NLGN1: variants seen among roughly 807,000 people sequenced by gnomAD.
The protein encoded by NLGN1 is neuroligin 1, also known as neuroligin-1.
A neutral mutation model predicts 65.5 loss-of-function variants in NLGN1; 12 were observed. The ratio of observed to expected loss-of-function variants is 0.18; its 90% CI spans 0.12 to 0.30. The LOEUF (loss-of-function observed/expected upper bound fraction) is 0.30. NLGN1 is among the 10% of genes least tolerant of loss of function. NLGN1 has a pLI of 1.00. For missense variants in NLGN1, 750 were observed against 1,007.1 expected, an observed-to-expected ratio of 0.74 and a Z score of 3.46; for synonymous variants, 350 against 359.5, an observed-to-expected ratio of 0.97 and a Z score of 0.30.
intron 2 of NLGN1, among the ~76,000 whole-genome samples, chr3:173,539,785 T>TACATATATACATATATATACATATATAC (rs1738424986): frequency 1.0e-5 from 1 of 100,304 alleles, no homozygotes; most frequent in Non-Finnish European, 2.0e-5. Flanking sequence ...CACATATATA[T>TACATATATACATATATATACATATATAC]GTACATATAT....
chr3:173,429,407 T>C (rs1716771996), intron 1 of NLGN1, among the ~76,000 whole-genome samples: 1 of 152,220 alleles, frequency 6.6e-6, no homozygotes, highest in South Asian at 2.1e-4. Context: ...CTGTGTTATC[T>C]TGGAGTTCAC....
At chr3:173,829,556 GTGTGTGTGTGTGTGTT>G in intron 4 of NLGN1, among the ~76,000 whole-genome samples, 1 of 144,656 alleles carries the variant, frequency 6.9e-6, no homozygotes, top group African/African-American at 2.7e-5. Flanking sequence ...GTGTGTGCGT[GTGTGTGTGTGTGTGTT>G]TGTGTGTGTG....
chr3:173,910,222 A>T (rs1336459475), intron 4 of NLGN1, among the ~76,000 whole-genome samples: 2 of 152,206 alleles, frequency 1.3e-5, no homozygotes, highest in African/African-American at 4.8e-5. Flanking sequence ...AAAAATGCAG[A>T]TTCTGCTTCA....
chr3:173,578,600 C>G (rs1745912930), intron 2 of NLGN1, among the ~76,000 whole-genome samples: 1 of 152,120 alleles, frequency 6.6e-6, no homozygotes, highest in African/African-American at 2.4e-5. Flanking sequence ...CTCAAATAAA[C>G]TAATATTTTA....
At chr3:174,061,029 A>G (rs1737294217) in intron 4 of NLGN1, among the ~76,000 whole-genome samples, 1 of 152,114 alleles carries the variant, frequency 6.6e-6, no homozygotes, top group Non-Finnish European at 1.5e-5. Context: ...TGATTTCTCC[A>G]TACGGTTATT....
intron 3 of NLGN1, among the ~76,000 whole-genome samples, chr3:173,790,545 T>C (rs1284503825): frequency 1.3e-5 from 2 of 152,136 alleles, no homozygotes; most frequent in Admixed American, 1.3e-4. Context: ...CTGATTTACG[T>C]TTAAAGAAAC....
rs917171566 is a variant in NLGN1 at position 173,892,311 on chromosome 3, T to C, written c.646+84479T>C. Among the ~76,000 whole-genome samples, 8 of 152,154 alleles carry C rather than the reference T, an allele frequency of 5.3e-5. No homozygotes were observed. The East Asian group carries it at 1.4e-3, about 26-fold the overall frequency. ...CCTCCAATAGATCCTGCCATCTCTG[T>C]TCTCTGTTTTTATTTTATGCAACTG... is the stretch of plus-strand genomic sequence containing the variant. On this transcript the variant is annotated intron_variant, in intron 4 of 6. Transcript: ENST00000457714.
chr3:173,415,372 A>G (rs948044446), intron 1 of NLGN1, among the ~76,000 whole-genome samples: 8 of 152,182 alleles, frequency 5.3e-5, no homozygotes, highest in Non-Finnish European at 8.8e-5. Context: ...TCTTTCTCTG[A>G]TCCTTATTTT....
At chr3:173,459,169 T>A (rs942680195) in intron 2 of NLGN1, among the ~76,000 whole-genome samples, 1 of 151,998 alleles carries the variant, frequency 6.6e-6, no homozygotes, top group Admixed American at 6.6e-5. Context: ...AGTAATCTGT[T>A]TTGTTGTTCA....
At chr3:173,659,809 T>C (rs13080121) in intron 3 of NLGN1, among the ~76,000 whole-genome samples, 77,414 of 151,616 alleles carry the variant, frequency 0.51, 21,156 homozygotes, top group East Asian at 0.71. Context: ...GTTTCTTCAC[T>C]GCTTTCATCA....
chr3:173,501,402 C>G (rs1311372389), intron 2 of NLGN1, among the ~76,000 whole-genome samples: 1 of 152,068 alleles, frequency 6.6e-6, no homozygotes, highest in African/African-American at 2.4e-5. Flanking sequence ...CTCAGACTTT[C>G]ACAGCATCCA....
intron 4 of NLGN1, among the ~76,000 whole-genome samples, chr3:173,897,902 A>C (rs1234836990): frequency 6.6e-6 from 1 of 152,180 alleles, no homozygotes. Flanking sequence ...CATTGCAAAC[A>C]ATCAGATTTG....
At chr3:174,190,524 C>A (rs1166086807) in intron 4 of NLGN1, among the ~76,000 whole-genome samples, 1 of 151,948 alleles carries the variant, frequency 6.6e-6, no homozygotes, top group African/African-American at 2.4e-5. Context: ...ATTGATACAA[C>A]TATGTTCACT....
chr3:174,218,223 A>G (rs1273572257), intron 4 of NLGN1, among the ~76,000 whole-genome samples: 2 of 152,080 alleles, frequency 1.3e-5, no homozygotes, highest in Non-Finnish European at 2.9e-5. Flanking sequence ...GACTAATACC[A>G]TTCATTGATT....
chr3:173,675,132 A>C (rs1022293421), intron 3 of NLGN1, among the ~76,000 whole-genome samples: 1 of 152,072 alleles, frequency 6.6e-6, no homozygotes, highest in African/African-American at 2.4e-5. Flanking sequence ...GAAATTTTGG[A>C]CATAGCATAA....
chr3:173,523,283 G>A (rs1361962400), intron 2 of NLGN1, among the ~76,000 whole-genome samples: 1 of 151,480 alleles, frequency 6.6e-6, no homozygotes, highest in Non-Finnish European at 1.5e-5. Flanking sequence ...GTCTATTTTT[G>A]TTTTTGTTGC....
intron 3 of NLGN1, among the ~76,000 whole-genome samples, chr3:173,683,549 G>C (rs1484569781): frequency 6.6e-6 from 1 of 151,966 alleles, no homozygotes; most frequent in South Asian, 2.1e-4. Context: ...CTCAAAATAT[G>C]GTTTTTTTAC....
chr3:174,227,835 T>A (rs1157226333), intron 4 of NLGN1, among the ~76,000 whole-genome samples: 3 of 152,108 alleles, frequency 2.0e-5, no homozygotes, highest in Non-Finnish European at 4.4e-5. Flanking sequence ...GTTAGCATCA[T>A]CTAATATTTA....
Position 173,900,847 on chromosome 3 carries a change from T to G in NLGN1, c.646+93015T>G, listed in dbSNP as rs187028652. On this transcript the variant is annotated intron_variant, in intron 4 of 6. Transcript: ENST00000457714. ...TCATTTGTTCAACATTTTACCCTGATAGAACCTCTGGTAGGGGAGCATGTG... is the reference window on the plus strand; with the variant it reads ...TCATTTGTTCAACATTTTACCCTGAGAGAACCTCTGGTAGGGGAGCATGTG... Among the ~76,000 whole-genome samples the G allele has an allele frequency of 4.6e-3, 704 of 152,066 alleles. 3 individuals carry two copies. Among genetic ancestry groups the G allele is most frequent in the South Asian group, 0.013 (61 of 4,822 alleles).
Sources: allele counts gnomAD v4.1 joint callset (sites outside exome capture counted in the v4.1 genomes callset), GRCh38; gene constraint gnomAD v4.1.1; transcripts MANE v1.5; gene names NCBI Gene and HGNC (gene_info 2026-07-23, HGNC 2026-07-21).